CKMT2: variants seen among roughly 807,000 people sequenced by gnomAD.
CKMT2 encodes the protein creatine kinase, mitochondrial 2, also known as creatine kinase S-type, mitochondrial.
In CKMT2, 43 loss-of-function variants were observed where a neutral mutation model predicts 48.9. The ratio of observed to expected loss-of-function variants is 0.88; its 90% CI spans 0.69 to 1.13. The LOEUF is 1.13. Ranked by LOEUF, CKMT2 falls within the 50% of genes most tolerant of loss-of-function variation. The probability of loss-of-function intolerance (pLI) is 0.00; values close to 1 mark genes in which losing one functional copy is unlikely to be tolerated. For synonymous variants in CKMT2, 206 were observed against 213.0 expected (o/e 0.97, Z 0.29); for missense variants, 472 against 555.4 (o/e 0.85, Z 1.51).
chr5:81,244,869 T>TTTTA (rs1756556866), intron 1 of CKMT2: 1 of 135,878 alleles, frequency 7.4e-6, no homozygotes, highest in Admixed American at 7.9e-5. Flanking sequence ...TTTTTTTTTT[T>TTTTA]GAGACAGAGT....
At chr5:81,258,140 TCTG>T (rs1757081360) in intron 7 of CKMT2, among the ~76,000 whole-genome samples, 1 of 152,158 alleles carries the variant, frequency 6.6e-6, no homozygotes, top group Admixed American at 6.5e-5. Context: ...CCACAGGTGA[TCTG>T]CTGGCCTCAG....
rs1757385535 is a variant in CKMT2, at chr5:81,266,350, TAAA to T, written c.*94_*96del. 3 of 1,258,894 alleles carry T rather than the reference TAAA, an allele frequency of 2.4e-6. No homozygotes were observed. In the African/African-American group the frequency reaches 4.5e-5, roughly 19 times the overall value. 78.0% of individuals were successfully genotyped at this position (1,258,894 alleles called of 1,614,324 possible). Reference sequence around the variant, plus strand: ...GAGTTTTTATACACTTGGAAAAATATAAAATTGTAGATCCTGCCTATCTTTACA... The same window carrying T: ...GAGTTTTTATACACTTGGAAAAATATATTGTAGATCCTGCCTATCTTTACA... On this transcript the variant is annotated 3_prime_UTR_variant, in exon 10 of 10. Transcript: ENST00000254035.
chr5:81,241,499 CT>C (rs1756432637), intron 1 of CKMT2, among the ~76,000 whole-genome samples: 1 of 152,212 alleles, frequency 6.6e-6, no homozygotes, highest in African/African-American at 2.4e-5. Flanking sequence ...CTACCTCCCA[CT>C]GTCAGTGGGA....
intron 7 of CKMT2, among the ~76,000 whole-genome samples, chr5:81,258,110 G>T (rs1056568237): frequency 3.3e-5 from 5 of 152,120 alleles, no homozygotes; most frequent in African/African-American, 1.2e-4. Flanking sequence ...ATGTTGGCCA[G>T]ACTAGCCTCG....
At position 81,239,995 on chromosome 5, in the gene CKMT2, A is replaced by G. The variant is rs74333794; in HGVS notation, c.-21+6618A>G. 3.6e-3 allele frequency among the ~76,000 whole-genome samples: 547 copies of G among 152,304 alleles called. 9 individuals are homozygous for G. The East Asian group carries it at 0.051, about 14-fold the overall frequency. ...GCCACATAGTAGGTAAATAGTCATC[A>G]GATGAATAAGTAGACAAATACATAT... On this transcript the variant is annotated intron_variant, in intron 1 of 9. Coordinates refer to ENST00000254035, the MANE Select transcript of CKMT2 (RefSeq NM_001099735.2).
chr5:81,265,177 A>G (rs563450167), intron 9 of CKMT2, among the ~76,000 whole-genome samples: 29 of 152,302 alleles, frequency 1.9e-4, no homozygotes, highest in South Asian at 6.2e-4. Context: ...TTATACCAAG[A>G]TAGAGTCCTA....
intron 1 of CKMT2, chr5:81,246,860 C>T (rs1439977868): frequency 1.3e-5 from 2 of 152,324 alleles, no homozygotes; most frequent in East Asian, 3.9e-4. Context: ...GCCAGGGTTC[C>T]CTGGAAGAAG....
intron 5 of CKMT2, 63 bp downstream of exon 5, chr5:81,255,277 G>A (rs1229810922): frequency 7.0e-7 from 1 of 1,431,532 alleles, no homozygotes; most frequent in Middle Eastern, 2.0e-4. Flanking sequence ...CGCACAGGAA[G>A]GCCTCTCCTG....
At chr5:81,257,535 G>A (rs1413133767) in intron 6 of CKMT2, among the ~76,000 whole-genome samples, 198 bp from the exon 7 acceptor site, 1 of 152,144 alleles carries the variant, frequency 6.6e-6, no homozygotes, top group Non-Finnish European at 1.5e-5. Context: ...CATCTTTTAG[G>A]GTGAGAGTTG....
At chr5:81,252,003 C>G (rs955641491) in intron 2 of CKMT2, 1 of 153,640 alleles carries the variant, frequency 6.5e-6, no homozygotes, top group Non-Finnish European at 1.4e-5. Flanking sequence ...AGACCCATGC[C>G]TCTCTCACTG....
At chr5:81,234,896 G>A (rs960773303) in intron 1 of CKMT2, among the ~76,000 whole-genome samples, 6 of 152,108 alleles carry the variant, frequency 3.9e-5, no homozygotes, top group East Asian at 3.9e-4. Context: ...AGGAAGCCAC[G>A]TAGAGTCTGT....
chr5:81,234,844 A>G (rs1219555129), intron 1 of CKMT2, among the ~76,000 whole-genome samples: 1 of 152,152 alleles, frequency 6.6e-6, no homozygotes, highest in Admixed American at 6.5e-5. Context: ...CTGGGCCTCC[A>G]TCTCTGCCAT....
chr5:81,251,252 G>T lies in CKMT2; in HGVS notation c.120G>T (p.Glu40Asp). The T allele has an allele frequency of 6.2e-7, 1 of 1,614,132 alleles. No individual in the cohort carries two copies. The highest frequency in any genetic ancestry group is 8.5e-7 in the Non-Finnish European group (1 of 1,180,020). ...YLLNRQKVCAEVREQPRLFPP... is the reference protein window; with the variant it reads ...YLLNRQKVCADVREQPRLFPP... Reference sequence around the variant, plus strand: ...TGAACCGGCAGAAAGTGTGTGCCGAGGTCCGGGAGCAGCCTAGGCTATTTC... The same window carrying T: ...TGAACCGGCAGAAAGTGTGTGCCGATGTCCGGGAGCAGCCTAGGCTATTTC... Residue 40 changes from glutamate to aspartate, a missense_variant, in exon 2 of 10, where the codon GAG becomes GAT. Glu to Asp is a conservative substitution (Grantham distance 45). Coordinates refer to ENST00000254035, the MANE Select transcript of CKMT2 (RefSeq NM_001099735.2).
At chr5:81,248,891 G>A (rs187799885) in intron 1 of CKMT2, among the ~76,000 whole-genome samples, 34 of 152,224 alleles carry the variant, frequency 2.2e-4, no homozygotes, top group Non-Finnish European at 4.3e-4. Context: ...TCGAAATGAC[G>A]GTTCTATTAG....
intron 1 of CKMT2, chr5:81,244,248 C>G: frequency 4.2e-6 from 4 of 944,234 alleles, no homozygotes; most frequent in Non-Finnish European, 5.0e-6. Flanking sequence ...ATAGAAATCG[C>G]AAGATATAAT....
At chr5:81,234,671 T>C (rs756984134) in intron 1 of CKMT2, among the ~76,000 whole-genome samples, 1 of 152,200 alleles carries the variant, frequency 6.6e-6, no homozygotes, top group Non-Finnish European at 1.5e-5. Flanking sequence ...CCATGGACTC[T>C]GCCAGCCTCA....
At chr5:81,253,184 C>T (rs912566539) in intron 3 of CKMT2, among the ~76,000 whole-genome samples, 2 of 152,048 alleles carry the variant, frequency 1.3e-5, no homozygotes, top group Non-Finnish European at 1.5e-5. Flanking sequence ...TGAGTTGGTA[C>T]AGAAACAATA....
At chr5:81,243,878 A>T (rs1406609161) in intron 1 of CKMT2, among the ~76,000 whole-genome samples, 1 of 152,166 alleles carries the variant, frequency 6.6e-6, no homozygotes, top group Non-Finnish European at 1.5e-5. Context: ...TTTTTAGTAG[A>T]GACAGGGTTT....
intron 1 of CKMT2, chr5:81,242,505 T>G (rs1252726713): frequency 5.9e-5 from 29 of 491,278 alleles, no homozygotes; most frequent in Non-Finnish European, 1.0e-4. Context: ...CTTAATTAGG[T>G]TGATTTGGTG....
Sources: gnomAD v4.1 joint callset for allele counts (sites outside exome capture counted in the v4.1 genomes callset) on GRCh38, gnomAD v4.1.1 for gene constraint, MANE v1.5 for transcripts, NCBI Gene and HGNC (gene_info 2026-07-23, HGNC 2026-07-21) for gene names.